TMEM185A: variants seen among roughly 807,000 people sequenced by gnomAD.
The protein encoded by TMEM185A is transmembrane protein 185A, also known as family with sequence similarity 11, member A.
In TMEM185A, 9 loss-of-function variants were observed where a neutral mutation model predicts 25.0. That is an observed-to-expected ratio of 0.36 (90% confidence interval 0.22 to 0.63). TMEM185A has a LOEUF of 0.63. Among genes scored for constraint, TMEM185A ranks in the 20% least tolerant of loss-of-function variants. The pLI, the probability that TMEM185A is intolerant of heterozygous loss-of-function variation, is 0.68. For synonymous variants in TMEM185A, 45 were observed against 93.5 expected, an observed-to-expected ratio of 0.48 and a Z score of 2.99; for missense variants, 103 against 237.4, an observed-to-expected ratio of 0.43 and a Z score of 3.72.
chrX:149,603,306 CTTTT>C (rs1359440483), intron 4 of TMEM185A, among the ~76,000 whole-genome samples: 1 of 97,528 alleles, frequency 1.0e-5, no homozygotes, highest in East Asian at 3.2e-4. Context: ...TTTTTTTTTT[CTTTT>C]GAGACAGGGT....
intron 1 of TMEM185A, among the ~76,000 whole-genome samples, chrX:149,611,967 GC>G (rs1557354555): frequency 8.9e-6 from 1 of 112,192 alleles, no homozygotes; most frequent in African/African-American, 3.2e-5. Context: ...TTCTAAAAAG[GC>G]AGCCATCTGT....
At chrX:149,604,752 C>G (rs1281223294) in intron 3 of TMEM185A, among the ~76,000 whole-genome samples, 1 of 111,465 alleles carries the variant, frequency 9.0e-6, no homozygotes, top group Non-Finnish European at 1.9e-5. Context: ...CTGGCCTCCA[C>G]CCCCATGACC....
At chrX:149,629,108 T>C (rs938846099) in intron 1 of TMEM185A, among the ~76,000 whole-genome samples, 1 of 111,373 alleles carries the variant, frequency 9.0e-6, no homozygotes, top group African/African-American at 3.3e-5. Context: ...ACAGGAACTG[T>C]AGAAACAGGG....
intron 1 of TMEM185A, among the ~76,000 whole-genome samples, chrX:149,625,039 A>G (rs1557355897): frequency 8.9e-6 from 1 of 112,601 alleles, no homozygotes; most frequent in Non-Finnish European, 1.9e-5. Flanking sequence ...AATCTCATTT[A>G]GCAATCATTG....
intron 1 of TMEM185A, among the ~76,000 whole-genome samples, chrX:149,618,407 A>G (rs2090121705): frequency 9.0e-6 from 1 of 111,267 alleles, no homozygotes; most frequent in South Asian, 3.8e-4. Context: ...TGAGATTCAG[A>G]GGGGTTGCTA....
At chrX:149,630,929 A>G (rs2090187995) in intron 1 of TMEM185A, among the ~76,000 whole-genome samples, 1 of 111,845 alleles carries the variant, frequency 8.9e-6, no homozygotes, top group East Asian at 2.8e-4. Context: ...ATAAACTTGT[A>G]GTGAAGACTG....
chrX:149,631,100 C>G (rs782280079), intron 1 of TMEM185A, among the ~76,000 whole-genome samples: 3 of 110,577 alleles, frequency 2.7e-5, no homozygotes, highest in Non-Finnish European at 5.7e-5. Flanking sequence ...CAAGGAAAAC[C>G]CCAAGGACTG....
At chrX:149,618,300 G>A (rs1273769288) in intron 1 of TMEM185A, among the ~76,000 whole-genome samples, 1 of 110,795 alleles carries the variant, frequency 9.0e-6, no homozygotes, top group Non-Finnish European at 1.9e-5. Context: ...AAGAAACTTC[G>A]ATTGGAAAAA....
intron 3 of TMEM185A, among the ~76,000 whole-genome samples, chrX:149,607,929 A>G (rs1557353777): frequency 8.9e-6 from 1 of 112,024 alleles, no homozygotes; most frequent in African/African-American, 3.2e-5. Context: ...GAAGGCCTTA[A>G]AAGCAAAAAC....
At chrX:149,624,857 G>A (rs367854491) in intron 1 of TMEM185A, among the ~76,000 whole-genome samples, 177 of 111,986 alleles carry the variant, frequency 1.6e-3, no homozygotes, top group Non-Finnish European at 2.6e-3. Context: ...ATTCATCAGC[G>A]GTGTGGTCTT....
chrX:149,606,410 C>T (rs1036983846), intron 3 of TMEM185A, among the ~76,000 whole-genome samples: 2 of 112,989 alleles, frequency 1.8e-5, no homozygotes, highest in African/African-American at 6.4e-5. Flanking sequence ...GTCCACTATC[C>T]CCTGGTGCCC....
At chrX:149,607,455 T>C (rs1186740634) in intron 3 of TMEM185A, among the ~76,000 whole-genome samples, 12 of 112,636 alleles carry the variant, frequency 1.1e-4, no homozygotes, top group African/African-American at 2.9e-4. Flanking sequence ...CATGTGGCCA[T>C]GAACAAATGA....
intron 1 of TMEM185A, among the ~76,000 whole-genome samples, chrX:149,629,154 C>T (rs1056227343): frequency 1.8e-5 from 2 of 111,566 alleles, no homozygotes; most frequent in Non-Finnish European, 3.8e-5. Context: ...AGGAATGCTT[C>T]CCTTAGCAAG....
chrX:149,631,497 G>C, intron 1 of TMEM185A, 46 bp downstream of exon 1: 2 of 1,141,382 alleles, frequency 1.8e-6, no homozygotes, highest in East Asian at 7.1e-5. Flanking sequence ...GCCCGCGCCC[G>C]AGCCCGCAGC....
chrX:149,603,468 G>A (rs1383623983), intron 4 of TMEM185A, among the ~76,000 whole-genome samples: 2 of 111,260 alleles, frequency 1.8e-5, no homozygotes, highest in African/African-American at 3.3e-5. Flanking sequence ...TGCAGTATAC[G>A]TATATAGGAA....
intron 4 of TMEM185A, chrX:149,601,504 G>A (rs1265176515): frequency 1.0e-5 from 1 of 97,672 alleles, no homozygotes; most frequent in Admixed American, 1.0e-4. Context: ...TTATGTAGAT[G>A]GCATCGCGAG....
At chrX:149,609,848 T>C (rs2090072586) in intron 2 of TMEM185A, among the ~76,000 whole-genome samples, 3 of 112,441 alleles carry the variant, frequency 2.7e-5, no homozygotes, top group South Asian at 7.4e-4. Context: ...AGTTTGAATA[T>C]ATTCTAAATA....
At chrX:149,621,789 T>C (rs2090141011) in intron 1 of TMEM185A, among the ~76,000 whole-genome samples, 1 of 111,892 alleles carries the variant, frequency 8.9e-6, no homozygotes, top group Non-Finnish European at 1.9e-5. Flanking sequence ...AGAATGCAGT[T>C]CTTCTCATAC....
chrX:149,608,903 C>T (rs1209556256), intron 2 of TMEM185A, 69 bp from the exon 3 acceptor site: 10 of 897,756 alleles, frequency 1.1e-5, no homozygotes, highest in Non-Finnish European at 1.6e-5. Flanking sequence ...CAGTTCAGGG[C>T]AAATACCAAC....
Sources: gnomAD v4.1 joint callset for allele counts (sites outside exome capture counted in the v4.1 genomes callset) on GRCh38, gnomAD v4.1.1 for gene constraint, MANE v1.5 for transcripts, NCBI Gene and HGNC (gene_info 2026-07-23, HGNC 2026-07-21) for gene names.